RMDN1: variants seen among roughly 807,000 people sequenced by gnomAD.
RMDN1 encodes the protein regulator of microtubule dynamics protein 1.
In RMDN1, 48 loss-of-function variants were observed where a neutral mutation model predicts 48.9. The ratio of observed to expected loss-of-function variants is 0.98; its 90% CI spans 0.78 to 1.25. The LOEUF is 1.25. Among genes scored for constraint, RMDN1 ranks in the 50% most tolerant of loss-of-function variants. The pLI, the probability that RMDN1 is intolerant of heterozygous loss-of-function variation, is 0.00. For synonymous variants in RMDN1, 148 were observed against 132.6 expected, an observed-to-expected ratio of 1.12 and a Z score of -0.80; for missense variants, 418 against 373.4, an observed-to-expected ratio of 1.12 and a Z score of -0.98.
chr8:86,489,547 C>G (rs111382697), intron 2 of RMDN1, among the ~76,000 whole-genome samples: 23 of 152,136 alleles, frequency 1.5e-4, no homozygotes, highest in African/African-American at 5.5e-4. Context: ...AAAAGGGTTT[C>G]TTGGCTGGGT....
At chr8:86,482,768 C>A in intron 5 of RMDN1, 1 of 920,514 alleles carries the variant, frequency 1.1e-6, no homozygotes, top group Non-Finnish European at 1.8e-6. Context: ...TGCAACAGGA[C>A]CCCAATGTGA....
In RMDN1 at chr8:86,473,691, G is replaced by C. The variant is rs926051007; in HGVS notation, c.*617C>G. The C allele has an allele frequency of 2.2e-6, 1 of 457,626 alleles. No homozygotes were observed. The highest frequency in any genetic ancestry group is 1.6e-4 in the East Asian group (1 of 6,380). 28.3% of individuals were successfully genotyped at this position (457,626 alleles called of 1,614,324 possible). A position where few individuals can be genotyped will look rare whatever the true frequency, so the allele number is the denominator to read the frequency against. On this transcript the variant is annotated 3_prime_UTR_variant, in exon 10 of 10. Transcript: ENST00000406452. ...TAAGGCAGGAGAATCACTTGAACCC[G>C]GGAGGCGGAGGCTGCAGTGGGCCGA...
chr8:86,503,385 A>AAAAAAAAAC (rs1554594088), intron 2 of RMDN1, among the ~76,000 whole-genome samples: 1 of 81,088 alleles, frequency 1.2e-5, no homozygotes, highest in Non-Finnish European at 2.3e-5. Flanking sequence ...AAAAAAAAAA[A>AAAAAAAAAC]AAAACAAAAA....
At chr8:86,496,264 C>G (rs1483495009) in intron 2 of RMDN1, among the ~76,000 whole-genome samples, 1 of 152,170 alleles carries the variant, frequency 6.6e-6, no homozygotes, top group African/African-American at 2.4e-5. Flanking sequence ...AACTAGCTAA[C>G]CACATGATGA....
chr8:86,477,401 A>T, intron 7 of RMDN1, 77 bp from the exon 8 acceptor site: 1 of 1,101,104 alleles, frequency 9.1e-7, no homozygotes, highest in Non-Finnish European at 1.3e-6. Context: ...TGTCTCAAAG[A>T]TCTACTGCTA....
Position 86,506,878 on chromosome 8 carries a change from T to G in RMDN1, c.247+117A>C, listed in dbSNP as rs1469099630. On this transcript the variant is annotated intron_variant, in intron 2 of 9. Coordinates refer to ENST00000406452, the MANE Select transcript of RMDN1 (RefSeq NM_016033.3). ...TTTCTCACTGAGCAGATTGTGAATATTTCCATATGGATTTTCTATTATTAA... is the reference window on the plus strand; with the variant it reads ...TTTCTCACTGAGCAGATTGTGAATAGTTCCATATGGATTTTCTATTATTAA... 5 of 634,816 alleles carry G rather than the reference T, an allele frequency of 7.9e-6. No individual in the cohort carries two copies. In the African/African-American group the frequency reaches 9.1e-5, roughly 12 times the overall value. 39.3% of individuals were successfully genotyped at this position (634,816 alleles called of 1,614,324 possible).
chr8:86,500,409 C>A (rs1818015029), intron 2 of RMDN1, among the ~76,000 whole-genome samples: 1 of 151,186 alleles, frequency 6.6e-6, no homozygotes, highest in Non-Finnish European at 1.5e-5. Flanking sequence ...AAGCAGCAGC[C>A]AATAAACATG....
chr8:86,495,438 C>A (rs1364595136), intron 2 of RMDN1, among the ~76,000 whole-genome samples: 1 of 152,100 alleles, frequency 6.6e-6, no homozygotes, highest in Non-Finnish European at 1.5e-5. Flanking sequence ...GAGGGTTTAG[C>A]ATGGGAACAG....
intron 2 of RMDN1, among the ~76,000 whole-genome samples, chr8:86,489,608 G>A (rs1245908310): frequency 6.6e-6 from 1 of 151,988 alleles, no homozygotes; most frequent in African/African-American, 2.4e-5. Context: ...GAGGTGGGAG[G>A]ACCACCACGT....
rs1050522887 is a variant in RMDN1 at position 86,504,389 on chromosome 8, C to T, written c.247+2606G>A. On this transcript the variant is annotated intron_variant, in intron 2 of 9. Coordinates refer to ENST00000406452, the MANE Select transcript of RMDN1 (RefSeq NM_016033.3). ...TTTAGAGTATCCAGCTACCAACAGCCAATCATCATTTCCATTGTGCTCCAG... is the reference window on the plus strand; with the variant it reads ...TTTAGAGTATCCAGCTACCAACAGCTAATCATCATTTCCATTGTGCTCCAG... The T allele has an allele frequency of 9.6e-6, 15 of 1,561,838 alleles. No individual in the cohort carries two copies. In the African/African-American group the frequency reaches 2.0e-4, roughly 21 times the overall value.
intron 2 of RMDN1, among the ~76,000 whole-genome samples, chr8:86,489,029 T>C (rs1815990836): frequency 6.6e-6 from 1 of 152,260 alleles, no homozygotes; most frequent in Non-Finnish European, 1.5e-5. Context: ...CTGGGCTCCA[T>C]GTGGCCTAGG....
chr8:86,507,057 T>A lies in RMDN1; in HGVS notation c.185A>T (p.Tyr62Phe), dbSNP rs1350882940. 3 of 1,613,404 alleles carry A rather than the reference T, an allele frequency of 1.9e-6. No homozygotes were observed. The highest frequency in any genetic ancestry group is 2.5e-6 in the Non-Finnish European group (3 of 1,179,504). The stretch of plus-strand genomic sequence containing the variant: ...AACCTGGTAAGTTTCAAAACCCAAA[T>A]ACGACAAAGCTGAGAGTAAAAGGCC... ...KRGLLLSALS[Y>F]LGFETYQVIS... The change falls in exon 2 of 10, where the codon TAT becomes TTT. Residue 62 changes from tyrosine (Y) to phenylalanine (F), a missense_variant. Physicochemically the swap from Tyr to Phe is conservative, Grantham distance 22. Transcript: ENST00000406452.
At chr8:86,483,835 T>C (rs1814989879) in intron 5 of RMDN1, among the ~76,000 whole-genome samples, 2 of 151,752 alleles carry the variant, frequency 1.3e-5, no homozygotes, top group East Asian at 1.9e-4. Context: ...GTTTTTTTTT[T>C]TTTTTTTGAG....
chr8:86,504,374 C>T, intron 2 of RMDN1: 1 of 1,567,480 alleles, frequency 6.4e-7, no homozygotes, highest in East Asian at 2.2e-5. Context: ...TTTAGAGTAT[C>T]CAGCTACCAA....
At chr8:86,504,273 G>C (rs547524586) in intron 2 of RMDN1, 1 of 1,573,460 alleles carries the variant, frequency 6.4e-7, no homozygotes, top group Non-Finnish European at 8.7e-7. Context: ...AGCAGTTGTG[G>C]GGCACCCAGG....
Position 86,484,816 on chromosome 8 carries a change from T to C in RMDN1, c.585+56A>G, listed in dbSNP as rs527800849. 7 of 1,133,988 alleles carry C rather than the reference T, an allele frequency of 6.2e-6. No individual in the cohort carries two copies. In the South Asian group the frequency reaches 9.8e-5, roughly 16 times the overall value. 70.2% of individuals were successfully genotyped at this position (1,133,988 alleles called of 1,614,324 possible). On this transcript the variant is annotated intron_variant, in intron 5 of 9. Transcript: ENST00000406452. ...CAGCAATAGATAATGAAAACAAAAA[T>C]CTATTCAGAAAAATATGACTTTTAA...
rs1228700572 is a variant in RMDN1 at position 86,496,150 on chromosome 8, G to C, written c.248-7511C>G. Among the ~76,000 whole-genome samples, 4 of 152,318 alleles carry C rather than the reference G, an allele frequency of 2.6e-5. No homozygotes were observed. In the East Asian group the frequency reaches 7.7e-4, roughly 29 times the overall value. Reference sequence around the variant, plus strand: ...ATCTGCCTTACAAGAGGTCCTTAAAGGAGTGCTAAACATGGAAATGAAAGA... The same window carrying C: ...ATCTGCCTTACAAGAGGTCCTTAAACGAGTGCTAAACATGGAAATGAAAGA... On this transcript the variant is annotated intron_variant, in intron 2 of 9. Transcript: ENST00000406452.
At chr8:86,487,442 G>T (rs1424071898) in intron 3 of RMDN1, among the ~76,000 whole-genome samples, 1 of 152,048 alleles carries the variant, frequency 6.6e-6, no homozygotes. Context: ...TACAAAATTA[G>T]CCGGGTGTGG....
intron 2 of RMDN1, among the ~76,000 whole-genome samples, chr8:86,502,766 T>C (rs1375505006): frequency 6.6e-6 from 1 of 152,170 alleles, no homozygotes; most frequent in Non-Finnish European, 1.5e-5. Context: ...ATTAGCAAAC[T>C]TTTTCTGTAA....
Sources: allele counts gnomAD v4.1 joint callset (sites outside exome capture counted in the v4.1 genomes callset), GRCh38; gene constraint gnomAD v4.1.1; transcripts MANE v1.5; gene names NCBI Gene and HGNC (gene_info 2026-07-23, HGNC 2026-07-21).